MAGI1: variants seen among roughly 807,000 people sequenced by gnomAD.
MAGI1 encodes membrane associated guanylate kinase, WW and PDZ domain containing 1.
MAGI1 carries 58 observed loss-of-function variants against 139.9 expected under a neutral mutation model. That is an observed-to-expected ratio of 0.41 (90% CI 0.34 to 0.52). MAGI1 has a LOEUF of 0.52. Among genes scored for constraint, MAGI1 ranks in the 20% least tolerant of loss-of-function variants. The pLI, the probability that MAGI1 is intolerant of heterozygous loss-of-function variation, is 0.12. For synonymous variants in MAGI1, 812 were observed against 737.9 expected (o/e 1.10, Z -1.63); for missense variants, 1,874 against 1,901.6 (o/e 0.99, Z 0.27).
rs58114407 is a variant in MAGI1, at chr3:65,419,973, T to C, written c.2167+9547A>G. ...CTGTGGAGTCCTGCTGACTATTCTT[T>C]AGGTGTCCCAAGTCCCCCACTGCCG... On this transcript the variant is annotated intron_variant, in intron 12 of 22. Transcript: ENST00000402939. Among the ~76,000 whole-genome samples the C allele has an allele frequency of 3.7e-3, 564 of 152,220 alleles. 8 individuals are homozygous for C. The highest frequency in any genetic ancestry group is 0.036 in the East Asian group (184 of 5,156).
intron 1 of MAGI1, among the ~76,000 whole-genome samples, chr3:65,772,502 C>A (rs1333514616): frequency 6.6e-6 from 1 of 152,176 alleles, no homozygotes; most frequent in Non-Finnish European, 1.5e-5. Context: ...CAACTGAGTT[C>A]TCTGCAGAGA....
chr3:65,621,936 C>CAG (rs1293445845), intron 2 of MAGI1, 36 bp downstream of exon 2: 2 of 1,442,922 alleles, frequency 1.4e-6, no homozygotes, highest in Non-Finnish European at 1.9e-6. Flanking sequence ...CACACACACA[C>CAG]ACACAGCAGT....
intron 1 of MAGI1, among the ~76,000 whole-genome samples, chr3:65,938,594 C>T (rs2063170363): frequency 6.6e-6 from 1 of 151,928 alleles, no homozygotes; most frequent in African/African-American, 2.4e-5. Flanking sequence ...CGCACTGAGA[C>T]AGGACAATTT....
chr3:65,609,001 T>G (rs2082895830), intron 2 of MAGI1, among the ~76,000 whole-genome samples: 1 of 152,174 alleles, frequency 6.6e-6, no homozygotes, highest in African/African-American at 2.4e-5. Flanking sequence ...GAATACATAC[T>G]TTATCATTCC....
intron 2 of MAGI1, among the ~76,000 whole-genome samples, chr3:65,531,340 A>C (rs1412030139): frequency 1.3e-5 from 2 of 152,144 alleles, no homozygotes; most frequent in African/African-American, 4.8e-5. Flanking sequence ...CGTAAGAGAC[A>C]GCTTAGAATT....
At chr3:65,826,795 G>A (rs1013841115) in intron 1 of MAGI1, among the ~76,000 whole-genome samples, 2 of 152,216 alleles carry the variant, frequency 1.3e-5, no homozygotes, top group South Asian at 2.1e-4. Flanking sequence ...TGGAAAACAC[G>A]ACTAACTTTA....
rs1320946348 is a variant in MAGI1, at chr3:65,877,018, C to CA, written c.313+160977dup. Among the ~76,000 whole-genome samples, 4 of 152,258 alleles carry CA rather than the reference C, an allele frequency of 2.6e-5. No homozygotes were observed. In the East Asian group the frequency reaches 7.7e-4, roughly 29 times the overall value. On this transcript the variant is annotated intron_variant, in intron 1 of 22. Coordinates refer to ENST00000402939, the MANE Select transcript of MAGI1 (RefSeq NM_001033057.2). ...TCGGCCTCCCAAAGTGCTGGGATTA[C>CA]AGGCATGAGCCACTGCGCCTGGCCT... is the stretch of plus-strand genomic sequence containing the variant.
intron 14 of MAGI1, chr3:65,387,120 A>T: frequency 1.3e-6 from 2 of 1,598,998 alleles, no homozygotes; most frequent in Non-Finnish European, 1.7e-6. Context: ...ACGGAGAGAC[A>T]AAAGTTTTCA....
At chr3:65,695,927 C>T (rs1284071194) in intron 1 of MAGI1, among the ~76,000 whole-genome samples, 3 of 152,108 alleles carry the variant, frequency 2.0e-5, no homozygotes, top group Admixed American at 6.5e-5. Flanking sequence ...AGATACTTTC[C>T]TTGTTGCTAC....
At chr3:65,714,659 C>T (rs940130539) in intron 1 of MAGI1, among the ~76,000 whole-genome samples, 1 of 152,036 alleles carries the variant, frequency 6.6e-6, no homozygotes, top group Non-Finnish European at 1.5e-5. Context: ...AAACCGAAGC[C>T]TGATACTGTC....
At chr3:65,428,096 C>T (rs894048451) in intron 12 of MAGI1, among the ~76,000 whole-genome samples, 1 of 152,150 alleles carries the variant, frequency 6.6e-6, no homozygotes. Context: ...CTTCAAATGA[C>T]CCCAGCCATT....
intron 1 of MAGI1, among the ~76,000 whole-genome samples, chr3:65,632,951 T>G (rs1243625521): frequency 6.6e-6 from 1 of 152,116 alleles, no homozygotes; most frequent in Admixed American, 6.5e-5. Flanking sequence ...TATGGTCCCA[T>G]GAGACTGGCA....
At position 65,530,810 on chromosome 3, in the gene MAGI1, CATATATATACACGTATATATATATATAT is replaced by C. The variant is rs1559643176; in HGVS notation, c.431-37207_431-37180del. Among the ~76,000 whole-genome samples the C allele has an allele frequency of 8.0e-3, 736 of 91,972 alleles. 51 individuals carry two copies. The highest frequency in any genetic ancestry group is 0.01 in the Non-Finnish European group (503 of 49,036). 60.3% of individuals were successfully genotyped at this position (91,972 alleles called of 152,430 possible). On this transcript the variant is annotated intron_variant, in intron 2 of 22. Transcript: ENST00000402939. ...ATACACGTATATATATATATACACA[CATATATATACACGTATATATATATATAT>C]ACACACACACACACACATATATATA...
chr3:65,688,091 GAA>G, intron 1 of MAGI1: 1 of 763,102 alleles, frequency 1.3e-6, no homozygotes, highest in Non-Finnish European at 2.3e-6. Context: ...CTTTGGCCCT[GAA>G]CACTGCACAT....
intron 1 of MAGI1, among the ~76,000 whole-genome samples, chr3:65,721,822 G>A (rs542118240): frequency 6.9e-6 from 1 of 145,318 alleles, no homozygotes; most frequent in Non-Finnish European, 1.5e-5. Context: ...CTGTTTGTAT[G>A]TTTTGTTTTG....
chr3:65,375,472 C>T, intron 18 of MAGI1, among the ~76,000 whole-genome samples: 1 of 152,172 alleles, frequency 6.6e-6, no homozygotes, highest in Non-Finnish European at 1.5e-5. Flanking sequence ...CAGGCGTGAG[C>T]CACCGCACCC....
rs1005328331 is a variant in MAGI1 at position 65,846,920 on chromosome 3, C to T, written c.313+191076G>A. ...TCCTCTGGGGTCCTACTCCCCCAAA[C>T]AAAGGAAAGAAACATTGACTTGTCC... On this transcript the variant is annotated intron_variant, in intron 1 of 22. Transcript: ENST00000402939. Among the ~76,000 whole-genome samples the T allele has an allele frequency of 4.5e-5, 4 of 89,562 alleles. No homozygotes were observed. In the East Asian group the frequency reaches 1.3e-3, roughly 29 times the overall value. The allele number at this position is 89,562 out of a possible 152,430, so 58.8% of individuals were successfully genotyped here.
At chr3:65,393,731 GCA>G (rs1944133347) in intron 13 of MAGI1, among the ~76,000 whole-genome samples, 1 of 152,106 alleles carries the variant, frequency 6.6e-6, no homozygotes, top group African/African-American at 2.4e-5. Flanking sequence ...CGGCCTATAA[GCA>G]CTAAATTCTG....
chr3:65,369,992 C>T (rs748909845), intron 18 of MAGI1, among the ~76,000 whole-genome samples: 6 of 152,310 alleles, frequency 3.9e-5, no homozygotes, highest in Non-Finnish European at 7.4e-5. Flanking sequence ...CTATGTCCAA[C>T]ACGCTTTCAC....
Sources: gnomAD v4.1 joint callset for allele counts (sites outside exome capture counted in the v4.1 genomes callset) on GRCh38, gnomAD v4.1.1 for gene constraint, MANE v1.5 for transcripts, NCBI Gene and HGNC (gene_info 2026-07-23, HGNC 2026-07-21) for gene names.